Variants in CEP112 observed in about 807,000 individuals in gnomAD.
The protein encoded by CEP112 is centrosomal protein of 112 kDa.
CEP112 carries 127 observed loss-of-function variants against 153.0 expected under a neutral mutation model. The observed-to-expected ratio is 0.83, with a 90% CI of 0.72 to 0.96. CEP112 has a LOEUF of 0.96. Among genes scored for constraint, CEP112 ranks in the 40% least tolerant of loss-of-function variants. The pLI is 0.00. For synonymous variants in CEP112, 358 were observed against 374.4 expected (o/e 0.96, Z 0.51); for missense variants, 1,089 against 1,101.2 (o/e 0.99, Z 0.16).
At chr17:65,983,690 A>G (rs1012826181) in intron 17 of CEP112, among the ~76,000 whole-genome samples, 1 of 152,200 alleles carries the variant, frequency 6.6e-6, no homozygotes, top group Non-Finnish European at 1.5e-5. Flanking sequence ...GTCCTACAAG[A>G]AGCAGATGTT....
At chr17:66,035,249 A>C (rs2065684632) in intron 12 of CEP112, among the ~76,000 whole-genome samples, 1 of 152,038 alleles carries the variant, frequency 6.6e-6, no homozygotes. Context: ...GTACCTGTTC[A>C]AAAGGAGCAG....
intron 17 of CEP112, among the ~76,000 whole-genome samples, chr17:66,004,278 G>A (rs1201724228): frequency 1.3e-5 from 2 of 151,858 alleles, no homozygotes; most frequent in African/African-American, 2.4e-5. Flanking sequence ...TCAGGAGTTC[G>A]AGACCAGCCT....
At chr17:65,789,320 T>A (rs1444965040) in intron 21 of CEP112, among the ~76,000 whole-genome samples, 2 of 152,166 alleles carry the variant, frequency 1.3e-5, no homozygotes, top group African/African-American at 2.4e-5. Context: ...TAACTTATTG[T>A]CCTATTCACT....
chr17:65,848,298 G>A (rs945774556), intron 21 of CEP112, among the ~76,000 whole-genome samples: 5 of 152,192 alleles, frequency 3.3e-5, no homozygotes, highest in South Asian at 2.1e-4. Context: ...CATTTTCAGC[G>A]CACTGTCCAA....
At chr17:65,970,079 T>C (rs981777738) in intron 17 of CEP112, among the ~76,000 whole-genome samples, 1 of 152,222 alleles carries the variant, frequency 6.6e-6, no homozygotes, top group Admixed American at 6.5e-5. Flanking sequence ...CAAACATGCA[T>C]GCCACCTGCA....
chr17:66,044,822 T>C (rs577797367), intron 12 of CEP112, among the ~76,000 whole-genome samples: 32 of 152,172 alleles, frequency 2.1e-4, no homozygotes, highest in Non-Finnish European at 3.7e-4. Flanking sequence ...CACTGAACTA[T>C]ATACTTATAA....
intron 20 of CEP112, among the ~76,000 whole-genome samples, chr17:65,890,088 A>G (rs553720151): frequency 1.3e-5 from 2 of 152,374 alleles, no homozygotes; most frequent in South Asian, 4.1e-4. Flanking sequence ...GTATTTTTAA[A>G]GACAAAATTC....
chr17:66,124,273 T>C (rs1434718215), intron 6 of CEP112, among the ~76,000 whole-genome samples: 2 of 152,184 alleles, frequency 1.3e-5, no homozygotes, highest in African/African-American at 2.4e-5. Context: ...TTTCCCTGCA[T>C]ACTCTCTGGC....
At chr17:66,081,304 AT>A (rs1156888602) in intron 8 of CEP112, among the ~76,000 whole-genome samples, 1 of 152,220 alleles carries the variant, frequency 6.6e-6, no homozygotes, top group Non-Finnish European at 1.5e-5. Context: ...ATTAAAACAA[AT>A]AGGTGAAAAT....
chr17:65,827,483 T>G lies in CEP112; in HGVS notation c.2394+24321A>C, dbSNP rs2056887793. Among the ~76,000 whole-genome samples, 2 of 152,174 alleles carry G rather than the reference T, an allele frequency of 1.3e-5. 1 individual carries two copies. The highest frequency in any genetic ancestry group is 4.1e-4 in the South Asian group (2 of 4,832). On this transcript the variant is annotated intron_variant, in intron 21 of 26. Transcript: ENST00000535342. ...ATATGATCACCTCCCCAGCTACCAC[T>G]CTGGTCTAAGCCACCATCATTTCCT... is the stretch of plus-strand genomic sequence containing the variant.
At chr17:65,745,654 A>G (rs1361199663) in intron 22 of CEP112, among the ~76,000 whole-genome samples, 5 of 152,190 alleles carry the variant, frequency 3.3e-5, no homozygotes, top group African/African-American at 1.2e-4. Context: ...GAAGGAGGGC[A>G]AGGCAGAGAA....
intron 4 of CEP112, among the ~76,000 whole-genome samples, chr17:66,153,097 G>A (rs1246217579): frequency 6.6e-6 from 1 of 152,072 alleles, no homozygotes; most frequent in Non-Finnish European, 1.5e-5. Flanking sequence ...ATTGGTAATG[G>A]GGATACAAAA....
intron 18 of CEP112, among the ~76,000 whole-genome samples, chr17:65,943,613 C>T (rs1488516282): frequency 2.0e-5 from 3 of 152,140 alleles, no homozygotes. Flanking sequence ...TGTAGGTGAC[C>T]TGGCCTTTCT....
chr17:65,687,625 A>C (rs1034031379), intron 24 of CEP112, among the ~76,000 whole-genome samples: 1 of 152,194 alleles, frequency 6.6e-6, no homozygotes, highest in Non-Finnish European at 1.5e-5. Context: ...TATGACACAG[A>C]GTTCATTAGA....
At chr17:65,847,498 T>C (rs1190443515) in intron 21 of CEP112, among the ~76,000 whole-genome samples, 2 of 152,200 alleles carry the variant, frequency 1.3e-5, no homozygotes, top group Non-Finnish European at 2.9e-5. Context: ...CAAGGTCTTT[T>C]CAAGTCTTGT....
intron 21 of CEP112, among the ~76,000 whole-genome samples, chr17:65,849,407 G>C (rs567325890): frequency 4.6e-5 from 7 of 152,242 alleles, no homozygotes; most frequent in African/African-American, 1.7e-4. Context: ...TCTATTTGAG[G>C]GCAGTGGCCC....
At chr17:66,015,516 T>C (rs2064732000) in intron 16 of CEP112, among the ~76,000 whole-genome samples, 1 of 152,208 alleles carries the variant, frequency 6.6e-6, no homozygotes, top group African/African-American at 2.4e-5. Context: ...AAAATGTCAT[T>C]CTGTTGCCTT....
chr17:65,677,820 T>C (rs1241211453), intron 24 of CEP112, among the ~76,000 whole-genome samples: 2 of 151,966 alleles, frequency 1.3e-5, no homozygotes, highest in African/African-American at 4.8e-5. Context: ...GGCTGAGGCA[T>C]GAGAATAGCT....
chr17:66,182,378 T>G (rs2072755863), intron 2 of CEP112: 1 of 152,286 alleles, frequency 6.6e-6, no homozygotes, highest in African/African-American at 2.4e-5. Context: ...CTGGGGGTCT[T>G]GGAATGTATT....
Sources: gnomAD v4.1 joint callset for allele counts (sites outside exome capture counted in the v4.1 genomes callset) on GRCh38, gnomAD v4.1.1 for gene constraint, MANE v1.5 for transcripts, NCBI Gene and HGNC (gene_info 2026-07-23, HGNC 2026-07-21) for gene names.